ATAD2: variants seen among roughly 807,000 people sequenced by gnomAD.
The protein encoded by ATAD2 is ATPase family AAA domain-containing protein 2.
A neutral mutation model predicts 168.9 loss-of-function variants in ATAD2; 62 were observed. That is an observed-to-expected ratio of 0.37 (90% CI 0.30 to 0.45). The LOEUF (loss-of-function observed/expected upper bound fraction) is 0.45, where lower values mean the gene tolerates loss of function less well. ATAD2 is among the 20% of genes least tolerant of loss of function. The probability of loss-of-function intolerance (pLI) is 1.00; values close to 1 mark genes in which losing one functional copy is unlikely to be tolerated. For missense variants in ATAD2, 1,419 were observed against 1,667.8 expected (o/e 0.85, Z 2.60); for synonymous variants, 613 against 571.6 (o/e 1.07, Z -1.03).
intron 2 of ATAD2, among the ~76,000 whole-genome samples, chr8:123,373,497 G>GA (rs1209852122): frequency 2.6e-5 from 4 of 151,696 alleles, no homozygotes; most frequent in Non-Finnish European, 5.9e-5. Context: ...AAAATATACT[G>GA]AAAAAAATAG....
intron 25 of ATAD2, 136 bp from the exon 26 acceptor site, chr8:123,326,162 CTGTTA>C (rs1314916563): frequency 7.7e-6 from 7 of 905,470 alleles, no homozygotes; most frequent in Admixed American, 2.8e-5. Context: ...TTAACTCATT[CTGTTA>C]TAAGATTAAG....
At chr8:123,371,375 A>C (rs1223625739) in intron 4 of ATAD2, 37 bp from the exon 5 acceptor site, 12 of 1,504,324 alleles carry the variant, frequency 8.0e-6, no homozygotes, top group Middle Eastern at 1.7e-4. Context: ...TGAAAATTGT[A>C]AAAGAGTAGC....
intron 27 of ATAD2, 54 bp downstream of exon 27, chr8:123,322,884 T>C: frequency 6.5e-7 from 1 of 1,538,148 alleles, no homozygotes; most frequent in Non-Finnish European, 8.9e-7. Context: ...ACATAAGTGA[T>C]ATATTAATGT....
At position 123,369,951 on chromosome 8, in the gene ATAD2, ATCATCATCATCT is replaced by A; in HGVS notation, c.789_800del (p.Glu263_Asp266del). ...CATCATCATCATCATCATCGTCATC[ATCATCATCATCT>A]TCATCATCTTCATCTTCACCATCAT... On this transcript the variant is annotated inframe_deletion, in exon 7 of 28. Coordinates refer to ENST00000287394, the MANE Select transcript of ATAD2 (RefSeq NM_014109.4). 1 of 1,567,784 alleles carries A rather than the reference ATCATCATCATCT, an allele frequency of 6.4e-7. No homozygotes were observed. The highest frequency in any genetic ancestry group is 1.1e-5 in the South Asian group (1 of 90,214).
At chr8:123,380,705 A>G (rs1434904918) in intron 1 of ATAD2, 28 bp from the exon 2 acceptor site, 3 of 1,587,872 alleles carry the variant, frequency 1.9e-6, no homozygotes, top group Non-Finnish European at 1.7e-6. Flanking sequence ...AAAGCCATCT[A>G]AGTTTTTCTT....
At position 123,389,467 on chromosome 8, in the gene ATAD2, A is replaced by C. The variant is rs113563828; in HGVS notation, c.171+6720T>G. On this transcript the variant is annotated intron_variant, in intron 1 of 27. Transcript: ENST00000287394. The stretch of plus-strand genomic sequence containing the variant: ...ATCCTGGCTATCACGGTGAAAACCC[A>C]GTCTCTACTAAAAATACAAAAACTT... Among the ~76,000 whole-genome samples, 335 of 150,780 alleles carry C rather than the reference A, an allele frequency of 2.2e-3. 2 individuals are homozygous for C. Among genetic ancestry groups the C allele is most frequent in the South Asian group, 3.4e-3 (16 of 4,740 alleles).
chr8:123,380,515 C>T lies in ATAD2; in HGVS notation c.320+14G>A, dbSNP rs760829414. On this transcript the variant is annotated intron_variant, in intron 2 of 27. Coordinates refer to ENST00000287394, the MANE Select transcript of ATAD2 (RefSeq NM_014109.4). ...AAAACTATTTTGAATTAGTGTTCAACCACCTTGTATTACCTTGTAAAATGC... is the reference window on the plus strand; with the variant it reads ...AAAACTATTTTGAATTAGTGTTCAATCACCTTGTATTACCTTGTAAAATGC... 93 of 1,611,874 alleles carry T rather than the reference C, an allele frequency of 5.8e-5. No homozygotes were observed. Among genetic ancestry groups the T allele is most frequent in the Non-Finnish European group, 7.5e-5 (89 of 1,179,194 alleles).
chr8:123,380,087 T>C (rs1346850084), intron 2 of ATAD2, among the ~76,000 whole-genome samples: 2 of 151,986 alleles, frequency 1.3e-5, no homozygotes, highest in African/African-American at 4.8e-5. Flanking sequence ...AGTCTCGCTC[T>C]GTCGCCCAGG....
intron 19 of ATAD2, among the ~76,000 whole-genome samples, chr8:123,343,256 G>A (rs1015664439): frequency 5.3e-5 from 8 of 151,966 alleles, no homozygotes; most frequent in Admixed American, 1.3e-4. Context: ...AATTACAGGC[G>A]TGAACCACCG....
intron 1 of ATAD2, among the ~76,000 whole-genome samples, chr8:123,391,052 G>T (rs140105736): frequency 6.6e-6 from 1 of 151,194 alleles, no homozygotes; most frequent in African/African-American, 2.4e-5. Flanking sequence ...AGTAATGTAC[G>T]ATCATCATCA....
chr8:123,396,725 TGGAATTTTG>T (rs1812862682), upstream of ATAD2, among the ~76,000 whole-genome samples: 2 of 152,144 alleles, frequency 1.3e-5, no homozygotes, highest in African/African-American at 2.4e-5. Flanking sequence ...GTAGCCCGTT[TGGAATTTTG>T]GCGCGGGACG....
intron 1 of ATAD2, among the ~76,000 whole-genome samples, chr8:123,404,660 G>A (rs890684382): frequency 4.6e-5 from 7 of 151,078 alleles, no homozygotes; most frequent in African/African-American, 1.7e-4. Context: ...TCTGCCTCCC[G>A]GGTTCAAGTG....
chr8:123,333,334 CG>C (rs1827828412), intron 24 of ATAD2, among the ~76,000 whole-genome samples: 1 of 144,406 alleles, frequency 6.9e-6, no homozygotes, highest in Admixed American at 7.1e-5. Flanking sequence ...GGCATGAACC[CG>C]GGACGCAGCG....
chr8:123,401,569 C>T, intron 1 of ATAD2: 1 of 1,457,282 alleles, frequency 6.9e-7, no homozygotes, highest in South Asian at 1.2e-5. Flanking sequence ...CTCTGCATCA[C>T]CCAGGAAGTG....
chr8:123,335,562 C>T (rs1827892393), intron 22 of ATAD2, among the ~76,000 whole-genome samples: 1 of 152,116 alleles, frequency 6.6e-6, no homozygotes, highest in South Asian at 2.1e-4. Flanking sequence ...AGTTAAAGAA[C>T]TCTGCATCTG....
intron 6 of ATAD2, among the ~76,000 whole-genome samples, chr8:123,370,232 A>T (rs746978289): frequency 2.0e-5 from 3 of 152,040 alleles, no homozygotes; most frequent in African/African-American, 4.8e-5. Context: ...AAAAAACTGC[A>T]GAAAAACACA....
At chr8:123,385,923 T>C (rs1829635555) in intron 1 of ATAD2, among the ~76,000 whole-genome samples, 1 of 144,092 alleles carries the variant, frequency 6.9e-6, no homozygotes. Context: ...AAATAGCCAA[T>C]AAACACATGA....
intron 20 of ATAD2, among the ~76,000 whole-genome samples, chr8:123,338,755 C>T (rs557028526): frequency 3.9e-5 from 6 of 152,202 alleles, no homozygotes; most frequent in South Asian, 2.1e-4. Flanking sequence ...AGTATTTAGC[C>T]GGGCATTTTG....
chr8:123,384,243 T>C (rs1239522411), intron 1 of ATAD2, among the ~76,000 whole-genome samples: 1 of 152,158 alleles, frequency 6.6e-6, no homozygotes, highest in Non-Finnish European at 1.5e-5. Context: ...AAGTGACTTT[T>C]GATGTATAAC....
Sources: allele counts gnomAD v4.1 joint callset (sites outside exome capture counted in the v4.1 genomes callset), GRCh38; gene constraint gnomAD v4.1.1; transcripts MANE v1.5; gene names NCBI Gene and HGNC (gene_info 2026-07-23, HGNC 2026-07-21).